ADAMTSL1: variants seen among roughly 807,000 people sequenced by gnomAD.
ADAMTSL1 encodes ADAMTS like 1.
In ADAMTSL1, 126 loss-of-function variants were observed where a neutral mutation model predicts 201.8. The observed-to-expected ratio is 0.62, with a 90% CI of 0.54 to 0.72. The LOEUF is 0.72. Among genes scored for constraint, ADAMTSL1 ranks in the 30% least tolerant of loss-of-function variants. The probability of loss-of-function intolerance (pLI) is 0.00; values close to 1 mark genes in which losing one functional copy is unlikely to be tolerated. For missense variants in ADAMTSL1, 2,679 were observed against 2,277.8 expected, an observed-to-expected ratio of 1.18 and a Z score of -3.59; for synonymous variants, 1,121 against 903.4, an observed-to-expected ratio of 1.24 and a Z score of -4.32.
chr9:17,996,108 T>A (rs1018466510), intron 1 of ADAMTSL1, among the ~76,000 whole-genome samples: 7 of 151,996 alleles, frequency 4.6e-5, no homozygotes, highest in African/African-American at 1.7e-4. Flanking sequence ...GATAAACTTG[T>A]CTCATCTATA....
intron 2 of ADAMTSL1, among the ~76,000 whole-genome samples, chr9:18,229,753 T>C (rs1830575689): frequency 6.6e-6 from 1 of 151,912 alleles, no homozygotes; most frequent in Non-Finnish European, 1.5e-5. Context: ...TGGAGTGCAA[T>C]GTTGCGATCT....
At chr9:18,474,143 T>C, upstream of ADAMTSL1, 5 of 1,108,726 alleles carry the variant, frequency 4.5e-6, no homozygotes, top group Admixed American at 9.1e-5. Context: ...AGGACTGGAG[T>C]GTTAGCACCA....
At chr9:18,833,008 G>A (rs1563839947) in intron 23 of ADAMTSL1, among the ~76,000 whole-genome samples, 1 of 152,198 alleles carries the variant, frequency 6.6e-6, no homozygotes, top group Non-Finnish European at 1.5e-5. Context: ...TCCCCAGTAG[G>A]TGAGACTATT....
intron 19 of ADAMTSL1, among the ~76,000 whole-genome samples, chr9:18,782,799 C>T (rs1821474420): frequency 6.6e-6 from 1 of 152,170 alleles, no homozygotes; most frequent in Admixed American, 6.5e-5. Context: ...GGAGGAAGAA[C>T]ACTCCTGGAC....
At chr9:18,363,443 C>A (rs915752844) in intron 2 of ADAMTSL1, among the ~76,000 whole-genome samples, 6 of 152,220 alleles carry the variant, frequency 3.9e-5, no homozygotes, top group Non-Finnish European at 7.3e-5. Flanking sequence ...GCTTAGAAGT[C>A]AGATTAATGT....
intron 10 of ADAMTSL1, among the ~76,000 whole-genome samples, chr9:18,676,710 C>T (rs1359634977): frequency 6.6e-6 from 1 of 151,994 alleles, no homozygotes; most frequent in Admixed American, 6.6e-5. Context: ...ATTTGGCCCT[C>T]AGGGAGTCAG....
intron 23 of ADAMTSL1, among the ~76,000 whole-genome samples, chr9:18,844,383 CGTTCCTCTGAAA>C: frequency 6.6e-6 from 1 of 152,284 alleles, no homozygotes; most frequent in East Asian, 1.9e-4. Flanking sequence ...GCTGTCTGAT[CGTTCCTCTGAAA>C]GTTTTGTCTC....
At chr9:18,142,065 G>A (rs1023988597) in intron 1 of ADAMTSL1, among the ~76,000 whole-genome samples, 1 of 152,198 alleles carries the variant, frequency 6.6e-6, no homozygotes, top group African/African-American at 2.4e-5. Flanking sequence ...CCCTGCAGGA[G>A]CTTGCCTTGG....
At chr9:18,631,027 G>A (rs182841094) in intron 5 of ADAMTSL1, among the ~76,000 whole-genome samples, 13 of 152,296 alleles carry the variant, frequency 8.5e-5, no homozygotes, top group African/African-American at 2.6e-4. Flanking sequence ...GTAGGCAACG[G>A]TATCTATGTC....
intron 2 of ADAMTSL1, among the ~76,000 whole-genome samples, chr9:18,305,485 T>A (rs1305101062): frequency 6.6e-6 from 1 of 152,280 alleles, no homozygotes; most frequent in East Asian, 1.9e-4. Context: ...AGCACAGCAG[T>A]CTGAAGTCTA....
At chr9:18,520,075 A>T (rs2132024318) in intron 2 of ADAMTSL1, among the ~76,000 whole-genome samples, 1 of 152,346 alleles carries the variant, frequency 6.6e-6, no homozygotes, top group Middle Eastern at 3.4e-3. Context: ...GACATACCAA[A>T]CAGTCATAAT....
At position 18,542,370 on chromosome 9, in the gene ADAMTSL1, C is replaced by T. The variant is rs541452248; in HGVS notation, c.237+9078C>T. On this transcript the variant is annotated intron_variant, in intron 3 of 28. Transcript: ENST00000380548. ...CAGTCATGTTGGCTCTACTCTTCCT[C>T]ATTACCTGTTATGTTTTGAATTATG... is the stretch of plus-strand genomic sequence containing the variant. Among the ~76,000 whole-genome samples, 3 of 152,262 alleles carry T rather than the reference C, an allele frequency of 2.0e-5. No homozygotes were observed. The East Asian group carries it at 5.8e-4, about 29-fold the overall frequency.
At chr9:18,833,286 C>T (rs982054119) in intron 23 of ADAMTSL1, among the ~76,000 whole-genome samples, 8 of 152,206 alleles carry the variant, frequency 5.3e-5, no homozygotes, top group Non-Finnish European at 8.8e-5. Context: ...TGACCACTGT[C>T]TTCCACAATG....
intron 2 of ADAMTSL1, among the ~76,000 whole-genome samples, chr9:18,296,367 A>G (rs540542223): frequency 1.4e-4 from 21 of 152,300 alleles, no homozygotes; most frequent in African/African-American, 4.8e-4. Flanking sequence ...TTTAATATGC[A>G]TTGGATATTA....
intron 23 of ADAMTSL1, among the ~76,000 whole-genome samples, chr9:18,838,342 G>A (rs1425140310): frequency 6.8e-6 from 1 of 146,394 alleles, no homozygotes; most frequent in South Asian, 2.2e-4. Flanking sequence ...TTTGGGTGGG[G>A]ACACAGCCAA....
chr9:18,703,685 C>A (rs1353657992), intron 13 of ADAMTSL1, among the ~76,000 whole-genome samples: 4 of 94,116 alleles, frequency 4.3e-5, no homozygotes, highest in Non-Finnish European at 9.3e-5. Flanking sequence ...AAATTACACA[C>A]GTGCATGCGC....
chr9:18,099,353 ATATTTTTTTTTTTT>A (rs967396012), intron 1 of ADAMTSL1, among the ~76,000 whole-genome samples: 4 of 45,852 alleles, frequency 8.7e-5, no homozygotes, highest in African/African-American at 3.6e-4. Context: ...ATATATATAT[ATATTTTTTTTTTTT>A]TTTTTAACAT....
chr9:18,182,298 A>C (rs545890180), intron 2 of ADAMTSL1, among the ~76,000 whole-genome samples: 29 of 152,222 alleles, frequency 1.9e-4, no homozygotes, highest in African/African-American at 5.8e-4. Context: ...AAAAAAAAAA[A>C]AGAAGAATTA....
At chr9:18,648,164 T>C (rs1827941773) in intron 7 of ADAMTSL1, among the ~76,000 whole-genome samples, 1 of 142,040 alleles carries the variant, frequency 7.0e-6, no homozygotes, top group Admixed American at 7.3e-5. Flanking sequence ...TCTCTTTTGA[T>C]CTTTGTTGGT....
Sources: allele counts gnomAD v4.1 joint callset (sites outside exome capture counted in the v4.1 genomes callset), GRCh38; gene constraint gnomAD v4.1.1; transcripts MANE v1.5; gene names NCBI Gene and HGNC (gene_info 2026-07-23, HGNC 2026-07-21).